PTPRT: variants seen among roughly 807,000 people sequenced by gnomAD.
PTPRT encodes the protein protein tyrosine phosphatase receptor type T, also known as receptor-type tyrosine-protein phosphatase T.
A neutral mutation model predicts 176.8 loss-of-function variants in PTPRT; 56 were observed. The observed-to-expected ratio is 0.32, with a 90% CI of 0.26 to 0.40. The LOEUF (loss-of-function observed/expected upper bound fraction) is 0.40. Among genes scored for constraint, PTPRT ranks in the 10% least tolerant of loss-of-function variants. The pLI is 1.00. For missense variants in PTPRT, 1,540 were observed against 1,908.2 expected (o/e 0.81, Z 3.60); for synonymous variants, 783 against 739.0 (o/e 1.06, Z -0.96).
intron 2 of PTPRT, among the ~76,000 whole-genome samples, chr20:42,822,609 C>A (rs1269907643): frequency 2.0e-5 from 3 of 152,076 alleles, no homozygotes; most frequent in Non-Finnish European, 4.4e-5. Flanking sequence ...TCAGAGTGAA[C>A]AGGCAACCTA....
chr20:42,644,674 G>A (rs1454627754), intron 7 of PTPRT, among the ~76,000 whole-genome samples: 3 of 152,108 alleles, frequency 2.0e-5, no homozygotes, highest in Admixed American at 1.3e-4. Context: ...GGTCTTCAGT[G>A]TAACCCCAGA....
At chr20:42,051,598 G>T in the PTPRT span, among the ~76,000 whole-genome samples, 1 of 152,184 alleles carries the variant, frequency 6.6e-6, no homozygotes, top group African/African-American at 2.4e-5. Context: ...CAGTCAGAGT[G>T]GTTGTCAGAC....
intron 15 of PTPRT, among the ~76,000 whole-genome samples, chr20:42,217,619 G>A (rs1600690768): frequency 6.6e-6 from 1 of 152,120 alleles, no homozygotes; most frequent in African/African-American, 2.4e-5. Context: ...CCTCAGCACT[G>A]TTGGTATTTT....
chr20:42,100,073 G>A (rs995638990), intron 26 of PTPRT, among the ~76,000 whole-genome samples: 11 of 152,130 alleles, frequency 7.2e-5, no homozygotes, highest in African/African-American at 1.4e-4. Flanking sequence ...CTCTGACCCC[G>A]AGGACCTCAT....
At chr20:42,119,744 G>T (rs80182523) in intron 20 of PTPRT, among the ~76,000 whole-genome samples, 191 bp downstream of exon 20, 5,118 of 152,268 alleles carry the variant, frequency 0.034, 269 homozygotes, top group African/African-American at 0.12. Context: ...CCTCTGGAGA[G>T]TCTTCAGCCT....
At chr20:42,816,888 TA>T (rs1440100239) in intron 2 of PTPRT, among the ~76,000 whole-genome samples, 1 of 152,130 alleles carries the variant, frequency 6.6e-6, no homozygotes, top group Non-Finnish European at 1.5e-5. Flanking sequence ...GAGAAAAGCC[TA>T]AAAATTACCA....
intron 1 of PTPRT, among the ~76,000 whole-genome samples, chr20:43,184,530 T>C (rs2146488563): frequency 6.6e-6 from 1 of 152,108 alleles, no homozygotes; most frequent in Admixed American, 6.5e-5. Flanking sequence ...CTACTAAAAA[T>C]ACAAAAATTA....
chr20:42,425,077 G>A (rs6102827), intron 9 of PTPRT, among the ~76,000 whole-genome samples: 15,926 of 152,000 alleles, frequency 0.1, 981 homozygotes, highest in East Asian at 0.23. Flanking sequence ...TGTGAGTTAC[G>A]TATTATGAGT....
chr20:42,200,220 C>G (rs956512187), intron 15 of PTPRT, among the ~76,000 whole-genome samples: 1 of 152,156 alleles, frequency 6.6e-6, no homozygotes, highest in African/African-American at 2.4e-5. Context: ...CATAGCTTAC[C>G]TCTGCTGCCT....
chr20:43,068,482 G>A (rs1474111110), intron 1 of PTPRT, among the ~76,000 whole-genome samples: 2 of 145,256 alleles, frequency 1.4e-5, no homozygotes, highest in Non-Finnish European at 3.0e-5. Flanking sequence ...TCCAGCCTGG[G>A]CAACAGAGAG....
At chr20:42,575,805 C>G (rs1173111344) in intron 7 of PTPRT, among the ~76,000 whole-genome samples, 1 of 152,136 alleles carries the variant, frequency 6.6e-6, no homozygotes, top group Non-Finnish European at 1.5e-5. Context: ...GCCCACTTTT[C>G]TCCAGCGCCC....
At chr20:42,634,057 AATATATAATAT>A (rs1457278701) in intron 7 of PTPRT, among the ~76,000 whole-genome samples, 8 of 30,620 alleles carry the variant, frequency 2.6e-4, no homozygotes, top group Non-Finnish European at 3.0e-4. Flanking sequence ...ATATATTATA[AATATATAATAT>A]ATATATAATA....
At chr20:43,008,362 T>G (rs1228709991) in intron 1 of PTPRT, among the ~76,000 whole-genome samples, 1 of 152,180 alleles carries the variant, frequency 6.6e-6, no homozygotes, top group African/African-American at 2.4e-5. Flanking sequence ...GATCTGCTGG[T>G]GCCTTGATCT....
At chr20:42,306,014 C>T (rs940024251) in intron 12 of PTPRT, among the ~76,000 whole-genome samples, 1 of 152,086 alleles carries the variant, frequency 6.6e-6, no homozygotes. Context: ...AGCATTTATC[C>T]CTGAAGGCCC....
At position 42,744,356 on chromosome 20, in the gene PTPRT, GGGA is replaced by G. The variant is rs1307018251; in HGVS notation, c.859+12103_859+12105del. On this transcript the variant is annotated intron_variant, in intron 6 of 30. Coordinates refer to ENST00000373187, the MANE Select transcript of PTPRT (RefSeq NM_007050.6). ...AAGTCTACATCAAGAAAGAACATTT[GGGA>G]GGAGACTTTAAAAAAAAATCTTCAA... 3.3e-5 allele frequency among the ~76,000 whole-genome samples: 5 copies of G among 152,180 alleles called. No homozygotes were observed. In the East Asian group the frequency reaches 9.6e-4, roughly 29 times the overall value.
chr20:42,424,937 G>A (rs759897026), intron 9 of PTPRT, among the ~76,000 whole-genome samples: 6 of 151,074 alleles, frequency 4.0e-5, no homozygotes, highest in Admixed American at 6.6e-5. Flanking sequence ...AAATAGACAC[G>A]GCTGACAAAA....
intron 6 of PTPRT, among the ~76,000 whole-genome samples, chr20:42,692,038 T>G (rs80036854): frequency 1.2e-3 from 189 of 152,336 alleles, no homozygotes; most frequent in African/African-American, 4.4e-3. Flanking sequence ...CAAGGGCCCA[T>G]AGAAAGCAAG....
intron 1 of PTPRT, among the ~76,000 whole-genome samples, chr20:43,157,950 G>A (rs1270333998): frequency 2.0e-5 from 3 of 152,156 alleles, no homozygotes; most frequent in Admixed American, 6.5e-5. Flanking sequence ...AGGAATTTGG[G>A]TGAGTTCTGA....
intron 7 of PTPRT, among the ~76,000 whole-genome samples, chr20:42,515,364 T>A (rs1209655477): frequency 6.6e-6 from 1 of 152,076 alleles, no homozygotes; most frequent in Non-Finnish European, 1.5e-5. Context: ...GTGCCCGTAA[T>A]CCCAGTTACT....
Sources: gnomAD v4.1 joint callset for allele counts (sites outside exome capture counted in the v4.1 genomes callset) on GRCh38, gnomAD v4.1.1 for gene constraint, MANE v1.5 for transcripts, NCBI Gene and HGNC (gene_info 2026-07-23, HGNC 2026-07-21) for gene names.